The following IL17RD variants were observed in gnomAD, a reference collection of about 807,000 sequenced individuals.
IL17RD encodes interleukin-17 receptor D.
A neutral mutation model predicts 80.5 loss-of-function variants in IL17RD; 52 were observed. The observed-to-expected ratio is 0.65, with a 90% confidence interval of 0.52 to 0.81. The LOEUF is 0.81. Among genes scored for constraint, IL17RD ranks in the 40% least tolerant of loss-of-function variants. The pLI, the probability that IL17RD is intolerant of heterozygous loss-of-function variation, is 0.00. For missense variants in IL17RD, 1,024 were observed against 955.1 expected, an observed-to-expected ratio of 1.07 and a Z score of -0.95; for synonymous variants, 416 against 391.8, an observed-to-expected ratio of 1.06 and a Z score of -0.73.
chr3:57,164,909 C>A (rs1261056232), intron 1 of IL17RD: 1 of 1,245,088 alleles, frequency 8.0e-7, no homozygotes, highest in African/African-American at 1.6e-5. Context: ...GAATGGGACC[C>A]CGGCCGGCGG....
intron 1 of IL17RD, among the ~76,000 whole-genome samples, chr3:57,157,806 G>A (rs1055544617): frequency 1.3e-5 from 2 of 152,142 alleles, no homozygotes; most frequent in Non-Finnish European, 2.9e-5. Context: ...ACACCTCTTC[G>A]TTCCAAGGAA....
intron 1 of IL17RD, among the ~76,000 whole-genome samples, chr3:57,154,277 T>TACACACACACACACACACACACACACAC (rs1420516131): frequency 8.0e-6 from 1 of 124,530 alleles, no homozygotes; most frequent in African/African-American, 3.5e-5. Flanking sequence ...TATATATATA[T>TACACACACACACACACACACACACACAC]ATATATACAC....
At chr3:57,139,972 T>C (rs2044329647) in intron 1 of IL17RD, among the ~76,000 whole-genome samples, 1 of 152,178 alleles carries the variant, frequency 6.6e-6, no homozygotes, top group South Asian at 2.1e-4. Context: ...TTAGGACCAT[T>C]TGAATCAAAT....
chr3:57,108,542 G>T, intron 5 of IL17RD, among the ~76,000 whole-genome samples: 2 of 103,090 alleles, frequency 1.9e-5, no homozygotes, highest in Non-Finnish European at 3.7e-5. Context: ...TTTAGATGGA[G>T]GTTTGCTCTT....
chr3:57,118,971 A>C (rs1165787204), intron 2 of IL17RD, among the ~76,000 whole-genome samples: 1 of 151,638 alleles, frequency 6.6e-6, no homozygotes, highest in Non-Finnish European at 1.5e-5. Flanking sequence ...TTTGGGAGGC[A>C]GAGGCGGGCA....
chr3:57,096,487 GC>G lies in IL17RD; in HGVS notation c.2125del (p.Ala709ProfsTer63). 1.2e-6 allele frequency: 2 copies of G among 1,612,778 alleles called. No homozygotes were observed. Among genetic ancestry groups the G allele is most frequent in the Non-Finnish European group, 1.7e-6 (2 of 1,178,748 alleles). The stretch of plus-strand genomic sequence containing the variant: ...AGAAGAGAGGAGCTTGGAAGGAAGG[GC>G]AGGAGGTTCCTCCTCACCTAAGGAG... ...SSGLGEEEPP[A>X]LPSKLLSSGS... On this transcript the variant is annotated frameshift_variant, in exon 13 of 13. Coordinates refer to ENST00000296318, the MANE Select transcript of IL17RD (RefSeq NM_017563.5). LOFTEE classifies it high-confidence loss of function.
chr3:57,102,625 G>A (rs745404307), intron 9 of IL17RD, 36 bp from the exon 10 acceptor site: 2 of 1,139,758 alleles, frequency 1.8e-6, no homozygotes, highest in East Asian at 4.9e-5. Flanking sequence ...TTAAACTTAA[G>A]CAGTGTAAAG....
Position 57,091,728 on chromosome 3 carries a change from T to C in IL17RD, c.*4665A>G, listed in dbSNP as rs1451035039. The C allele has an allele frequency of 1.3e-5, 2 of 152,422 alleles. No individual in the cohort carries two copies. The highest frequency in any genetic ancestry group is 1.3e-4 in the Admixed American group (2 of 15,292). The allele number at this position is 152,422 out of a possible 1,614,324, so 9.4% of individuals were successfully genotyped here. A position where few individuals can be genotyped will look rare whatever the true frequency, so the allele number is the denominator to read the frequency against. ...CACTACAAGCCGAACAAAAGGAAGCTGGCTTGAATTTCTCTAAGACATACA... is the reference window on the plus strand; with the variant it reads ...CACTACAAGCCGAACAAAAGGAAGCCGGCTTGAATTTCTCTAAGACATACA... On this transcript the variant is annotated 3_prime_UTR_variant, in exon 13 of 13. Transcript: ENST00000296318.
chr3:57,164,872 C>G, intron 1 of IL17RD: 2 of 1,184,252 alleles, frequency 1.7e-6, no homozygotes, highest in South Asian at 4.2e-5. Flanking sequence ...CCCGGCCCAG[C>G]CCCGCCGCCC....
At chr3:57,151,850 G>A (rs2060226579) in intron 1 of IL17RD, among the ~76,000 whole-genome samples, 1 of 152,124 alleles carries the variant, frequency 6.6e-6, no homozygotes, top group South Asian at 2.1e-4. Flanking sequence ...GGTTGATAGA[G>A]ACCCTGTCTC....
intron 1 of IL17RD, among the ~76,000 whole-genome samples, chr3:57,127,596 G>A (rs1181524811): frequency 6.6e-6 from 1 of 151,002 alleles, no homozygotes; most frequent in Non-Finnish European, 1.5e-5. Context: ...AGTAGAGACA[G>A]GTGTTTCCCC....
chr3:57,139,289 T>C (rs1205140388), intron 1 of IL17RD, among the ~76,000 whole-genome samples: 2 of 152,048 alleles, frequency 1.3e-5, no homozygotes, highest in Non-Finnish European at 2.9e-5. Context: ...GAGAATGAAA[T>C]ACAGTCAAAA....
At chr3:57,110,146 T>C in intron 4 of IL17RD, 47 bp downstream of exon 4, 3 of 1,554,646 alleles carry the variant, frequency 1.9e-6, no homozygotes, top group Non-Finnish European at 2.6e-6. Context: ...TTCAGGACCC[T>C]GGAACAATGG....
chr3:57,134,410 A>C, intron 1 of IL17RD: 1 of 712,652 alleles, frequency 1.4e-6, no homozygotes, highest in East Asian at 2.6e-5. Context: ...ATGCCAGGGA[A>C]CGTAACTTGG....
intron 2 of IL17RD, among the ~76,000 whole-genome samples, chr3:57,116,548 G>T (rs1707221072): frequency 6.6e-6 from 1 of 151,932 alleles, no homozygotes; most frequent in Admixed American, 6.6e-5. Flanking sequence ...GCCTCCCAAG[G>T]TGCTGAGATT....
chr3:57,142,781 G>A (rs1707855405), intron 1 of IL17RD, among the ~76,000 whole-genome samples: 1 of 151,970 alleles, frequency 6.6e-6, no homozygotes, highest in Admixed American at 6.6e-5. Flanking sequence ...CCACCCTGGG[G>A]ATAAAGCTTC....
At chr3:57,133,607 T>C (rs1707659029) in intron 1 of IL17RD, among the ~76,000 whole-genome samples, 1 of 152,234 alleles carries the variant, frequency 6.6e-6, no homozygotes, top group African/African-American at 2.4e-5. Flanking sequence ...TAGATTTTGA[T>C]AAATGTCTTT....
chr3:57,112,108 T>C (rs1355929792), intron 3 of IL17RD, among the ~76,000 whole-genome samples: 1 of 152,200 alleles, frequency 6.6e-6, no homozygotes, highest in East Asian at 1.9e-4. Context: ...GTAATTCCTT[T>C]ATCCCTGTGA....
At position 57,094,393 on chromosome 3, in the gene IL17RD, A is replaced by C. The variant is rs1223913388; in HGVS notation, c.*2000T>G. 4 of 152,168 alleles carry C rather than the reference A, an allele frequency of 2.6e-5. No individual in the cohort carries two copies. Among genetic ancestry groups the C allele is most frequent in the Admixed American group, 2.0e-4 (3 of 15,272 alleles). The allele number at this position is 152,168 out of a possible 1,614,324, so 9.4% of individuals were successfully genotyped here. ...CCAAACTAAAACATCCCGATTTTTT[A>C]ACTAGCACTCTCTTTTTCTCTTCCA... On this transcript the variant is annotated 3_prime_UTR_variant, in exon 13 of 13. Coordinates refer to ENST00000296318, the MANE Select transcript of IL17RD (RefSeq NM_017563.5).
Sources: allele counts gnomAD v4.1 joint callset (sites outside exome capture counted in the v4.1 genomes callset), GRCh38; gene constraint gnomAD v4.1.1; transcripts MANE v1.5; gene names NCBI Gene and HGNC (gene_info 2026-07-23, HGNC 2026-07-21).